The following LARP1B variants were observed in gnomAD, a reference collection of about 807,000 sequenced individuals.
The protein encoded by LARP1B is la-related protein 1B.
Under a neutral mutation model 114.2 loss-of-function variants are expected in LARP1B, and 76 were observed. The ratio of observed to expected loss-of-function variants is 0.67; its 90% confidence interval spans 0.55 to 0.81. LARP1B has a LOEUF of 0.81. LARP1B is among the 30% of genes least tolerant of loss of function. The pLI is 0.00. For synonymous variants in LARP1B, 345 were observed against 348.0 expected, an observed-to-expected ratio of 0.99 and a Z score of 0.10; for missense variants, 1,014 against 1,075.8, an observed-to-expected ratio of 0.94 and a Z score of 0.80.
At chr4:128,089,897 A>C (rs1775251219) in intron 5 of LARP1B, among the ~76,000 whole-genome samples, 2 of 151,208 alleles carry the variant, frequency 1.3e-5, no homozygotes, top group Non-Finnish European at 1.5e-5. Context: ...CAGCCTACTG[A>C]GTAGCTGGGA....
rs754852339 is a variant in LARP1B at position 128,179,487 on chromosome 4, C to T, written c.1978C>T (p.Arg660Cys). Residue 660 changes from arginine to cysteine, a missense_variant, in exon 15 of 20, where the codon CGT becomes TGT. Physicochemically the swap from Arg to Cys is radical, Grantham distance 180. Coordinates refer to ENST00000326639, the MANE Select transcript of LARP1B (RefSeq NM_018078.4). ...HVGWVMDSRD[R>C]GPGTSSVSTS... Reference sequence around the variant, plus strand: ...TGGTTGGGTAATGGATTCCAGAGACCGTGGGCCAGGAACATCCTCTGTCAG... The same window carrying T: ...TGGTTGGGTAATGGATTCCAGAGACTGTGGGCCAGGAACATCCTCTGTCAG... 4 of 1,606,588 alleles carry T rather than the reference C, an allele frequency of 2.5e-6. No individual in the cohort carries two copies. The South Asian group carries it at 3.3e-5, about 13-fold the overall frequency.
rs911313351 is a variant in LARP1B, at chr4:128,210,294, G to A, written c.*241G>A. 1.5e-6 allele frequency: 2 copies of A among 1,326,824 alleles called. No individual in the cohort carries two copies. The highest frequency in any genetic ancestry group is 3.0e-5 in the African/African-American group (2 of 67,788). The allele number at this position is 1,326,824 out of a possible 1,614,324, so 82.2% of individuals were successfully genotyped here. A position where few individuals can be genotyped will look rare whatever the true frequency, so the allele number is the denominator to read the frequency against. On this transcript the variant is annotated 3_prime_UTR_variant, in exon 20 of 20. Transcript: ENST00000326639. ...TTTCACAAACAAGGATAGTCTTGGTGACCTTTTATAGAGATCTTCTAGTAA... is the reference window on the plus strand; with the variant it reads ...TTTCACAAACAAGGATAGTCTTGGTAACCTTTTATAGAGATCTTCTAGTAA...
Position 128,207,329 on chromosome 4 carries a change from A to C in LARP1B, c.2493A>C (p.Pro831=). The change falls in exon 19 of 20, where the codon CCA becomes CCC. Residue 831 remains proline, a synonymous_variant. Coordinates refer to ENST00000326639, the MANE Select transcript of LARP1B (RefSeq NM_018078.4). ...AATCTAAGACACAGTCTATTGACCC[A>C]AAACTTCAGGAATACCTCTGTAGTT... ...YSQSKTQSID[P]KLQEYLCSFK... 1 of 1,562,020 alleles carries C rather than the reference A, an allele frequency of 6.4e-7. No individual in the cohort carries two copies. The highest frequency in any genetic ancestry group is 8.7e-7 in the Non-Finnish European group (1 of 1,154,060).
At chr4:128,133,905 C>T (rs539614550) in intron 11 of LARP1B, among the ~76,000 whole-genome samples, 7 of 152,132 alleles carry the variant, frequency 4.6e-5, no homozygotes, top group African/African-American at 1.7e-4. Flanking sequence ...CCATGTTGAC[C>T]AGGCTGGTCT....
intron 11 of LARP1B, among the ~76,000 whole-genome samples, chr4:128,151,966 C>T (rs1732997968): frequency 6.6e-6 from 1 of 152,122 alleles, no homozygotes; most frequent in Non-Finnish European, 1.5e-5. Context: ...ATATGCTCTC[C>T]AGAGACATGT....
At chr4:128,187,217 C>A (rs989317876) in intron 15 of LARP1B, among the ~76,000 whole-genome samples, 2 of 152,170 alleles carry the variant, frequency 1.3e-5, no homozygotes, top group Non-Finnish European at 2.9e-5. Flanking sequence ...ATGGTAGATC[C>A]ACTAGCAGCC....
intron 11 of LARP1B, among the ~76,000 whole-genome samples, chr4:128,144,984 C>T (rs922617737): frequency 6.7e-6 from 1 of 150,178 alleles, no homozygotes; most frequent in Admixed American, 6.6e-5. Context: ...GTTACATTTT[C>T]CTATTTATTT....
chr4:128,203,828 G>A (rs960017324), intron 17 of LARP1B, among the ~76,000 whole-genome samples: 17 of 152,060 alleles, frequency 1.1e-4, no homozygotes, highest in Admixed American at 7.9e-4. Flanking sequence ...ATCTATTTTC[G>A]AAAAATAGGA....
At chr4:128,065,187 A>G (rs1761899936) in intron 1 of LARP1B, among the ~76,000 whole-genome samples, 1 of 50,954 alleles carries the variant, frequency 2.0e-5, no homozygotes, top group Admixed American at 2.2e-4. Context: ...CATCTTTCAG[A>G]CCTGGCATAG....
intron 15 of LARP1B, among the ~76,000 whole-genome samples, chr4:128,184,478 A>G (rs1360741458): frequency 6.6e-6 from 1 of 152,226 alleles, no homozygotes; most frequent in African/African-American, 2.4e-5. Flanking sequence ...TGCATGTGAT[A>G]TTTTGATACA....
At chr4:128,140,309 GTCA>G (rs1382952736) in intron 11 of LARP1B, among the ~76,000 whole-genome samples, 4 of 152,110 alleles carry the variant, frequency 2.6e-5, no homozygotes, top group Admixed American at 2.6e-4. Context: ...AGCTGACTAT[GTCA>G]TCATTATAGT....
intron 17 of LARP1B, among the ~76,000 whole-genome samples, chr4:128,202,968 G>T (rs556818763): frequency 2.6e-5 from 4 of 152,296 alleles, no homozygotes; most frequent in African/African-American, 9.6e-5. Context: ...GGAGGCCGAG[G>T]CAGGCAGATC....
intron 4 of LARP1B, among the ~76,000 whole-genome samples, chr4:128,081,366 A>G (rs1268181152): frequency 1.4e-5 from 2 of 143,332 alleles, no homozygotes; most frequent in African/African-American, 2.6e-5. Flanking sequence ...GGCATGAGCC[A>G]CTGCGCCCGG....
intron 18 of LARP1B, 121 bp downstream of exon 18, chr4:128,206,658 T>C: frequency 1.4e-6 from 2 of 1,403,624 alleles, no homozygotes; most frequent in Non-Finnish European, 1.8e-6. Flanking sequence ...ATCTTCATGC[T>C]ATTGTTGTGT....
At chr4:128,075,345 C>T (rs963118436) in intron 3 of LARP1B, among the ~76,000 whole-genome samples, 43 of 152,006 alleles carry the variant, frequency 2.8e-4, no homozygotes, top group Admixed American at 4.6e-4. Context: ...GCCTCAGCCT[C>T]CCAAAATGTT....
chr4:128,135,038 G>A (rs1185160380), intron 11 of LARP1B, among the ~76,000 whole-genome samples: 1 of 151,998 alleles, frequency 6.6e-6, no homozygotes, highest in African/African-American at 2.4e-5. Flanking sequence ...GGAGGTGGGG[G>A]TTGTGGTGAG....
At chr4:128,094,923 G>T (rs1409171856) in intron 7 of LARP1B, among the ~76,000 whole-genome samples, 1 of 151,928 alleles carries the variant, frequency 6.6e-6, no homozygotes. Flanking sequence ...GACTAATTTT[G>T]TATTTTTAGT....
chr4:128,219,681 ATATACCTAATGCTAGATGACGCGT>A (rs1759836171), intron 6 of LARP1B, among the ~76,000 whole-genome samples: 1 of 136,914 alleles, frequency 7.3e-6, no homozygotes, highest in Non-Finnish European at 1.6e-5. Context: ...GCATTGGGAG[ATATACCTAATGCTAGATGACGCGT>A]TAGTGGGTGC....
At chr4:128,111,480 C>T (rs1333378419) in intron 9 of LARP1B, among the ~76,000 whole-genome samples, 1 of 152,068 alleles carries the variant, frequency 6.6e-6, no homozygotes, top group Admixed American at 6.5e-5. Context: ...GAGAGGATTG[C>T]TTGAGGCCAG....
Sources: gnomAD v4.1 joint callset for allele counts (sites outside exome capture counted in the v4.1 genomes callset) on GRCh38, gnomAD v4.1.1 for gene constraint, MANE v1.5 for transcripts, NCBI Gene and HGNC (gene_info 2026-07-23, HGNC 2026-07-21) for gene names.